The following KY variants were observed in gnomAD, a reference collection of about 807,000 sequenced individuals.
The protein encoded by KY is kyphoscoliosis peptidase.
A neutral mutation model predicts 76.1 loss-of-function variants in KY; 43 were observed. The ratio of observed to expected loss-of-function variants is 0.57; its 90% confidence interval spans 0.44 to 0.73. The LOEUF is 0.73. Among genes scored for constraint, KY ranks in the 30% least tolerant of loss-of-function variants. KY has a pLI of 0.00. For missense variants in KY, 722 were observed against 828.9 expected (o/e 0.87, Z 1.58); for synonymous variants, 277 against 326.2 (o/e 0.85, Z 1.63).
intron 3 of KY, chr3:134,641,221 C>T (rs1016095335): frequency 2.6e-5 from 4 of 152,196 alleles, no homozygotes; most frequent in African/African-American, 7.2e-5. Context: ...TTAAATTGTC[C>T]CCTGGGATAG....
chr3:134,640,816 T>C (rs996746693), intron 3 of KY, among the ~76,000 whole-genome samples: 16 of 152,202 alleles, frequency 1.1e-4, no homozygotes, highest in African/African-American at 3.9e-4. Context: ...ATCCACACCA[T>C]GGGGGAACCT....
intron 2 of KY, among the ~76,000 whole-genome samples, chr3:134,643,764 G>C (rs780092228): frequency 6.6e-6 from 1 of 151,924 alleles, no homozygotes; most frequent in Non-Finnish European, 1.5e-5. Flanking sequence ...TGTGGAGCAG[G>C]CTGGGAGGTT....
At chr3:134,637,862 C>T (rs948691146) in intron 3 of KY, among the ~76,000 whole-genome samples, 2 of 152,188 alleles carry the variant, frequency 1.3e-5, no homozygotes, top group Non-Finnish European at 2.9e-5. Flanking sequence ...CTGTTAAAGC[C>T]CCTCCAGGGC....
chr3:134,602,868 T>G lies in KY; in HGVS notation c.*711A>C, dbSNP rs2107728469. ...AGCCACAGCGGGCATGGGCTGCTCTTTGCTTTGCAGTCTCCTCACAACTTT... is the reference window on the plus strand; with the variant it reads ...AGCCACAGCGGGCATGGGCTGCTCTGTGCTTTGCAGTCTCCTCACAACTTT... On this transcript the variant is annotated 3_prime_UTR_variant, in exon 11 of 11. Coordinates refer to ENST00000423778, the MANE Select transcript of KY (RefSeq NM_178554.6). 6.6e-6 allele frequency among the ~76,000 whole-genome samples: 1 copy of G among 152,360 alleles called. No homozygotes were observed. The highest frequency in any genetic ancestry group is 2.4e-5 in the African/African-American group (1 of 41,604).
chr3:134,603,606 G>C lies in KY; in HGVS notation c.1959C>G (p.Ile653Met). Residue 653 changes from isoleucine (I) to methionine (M), a missense_variant, in exon 11 of 11, where the codon ATC (isoleucine) becomes ATG (methionine). Transcript: ENST00000423778. Reference sequence around the variant, plus strand: ...ACTGGGCATTCACTTTGTATTTCAGGATGTAGGAGTAGAAATTGTGGTTGG... The same window carrying C: ...ACTGGGCATTCACTTTGTATTTCAGCATGTAGGAGTAGAAATTGTGGTTGG... Reference protein sequence around the residue: ...ENANHNFYSYILKYKVNAQ With the variant: ...ENANHNFYSYMLKYKVNAQ 1 of 1,594,070 alleles carries C rather than the reference G, an allele frequency of 6.3e-7. No individual in the cohort carries two copies.
chr3:134,635,493 T>TTAA (rs1553814998), intron 3 of KY, among the ~76,000 whole-genome samples: 1 of 79,352 alleles, frequency 1.3e-5, no homozygotes, highest in African/African-American at 4.9e-5. Context: ...CGAGACTCTG[T>TTAA]AAAAAAAAAA....
intron 8 of KY, chr3:134,610,857 G>T (rs1960293096): frequency 6.5e-6 from 1 of 154,118 alleles, no homozygotes; most frequent in Non-Finnish European, 1.4e-5. Context: ...TGCGACTGAA[G>T]AGATGGGTCT....
In KY at chr3:134,620,927, C is replaced by T. The variant is rs1030789911; in HGVS notation, c.484-70G>A. The T allele has an allele frequency of 2.2e-5, 20 of 909,818 alleles. No homozygotes were observed. The African/African-American group carries it at 3.0e-4, about 13-fold the overall frequency. The allele number at this position is 909,818 out of a possible 1,614,324, so 56.4% of individuals were successfully genotyped here. A position where few individuals can be genotyped will look rare whatever the true frequency, so the allele number is the denominator to read the frequency against. On this transcript the variant is annotated intron_variant, in intron 6 of 10. Coordinates refer to ENST00000423778, the MANE Select transcript of KY (RefSeq NM_178554.6). ...GCTGTTGGGGGCCCAGCATCTTGCA[C>T]CTACAGCCAGTGCTGCTCTTCCTCC... is the stretch of plus-strand genomic sequence containing the variant.
intron 5 of KY, among the ~76,000 whole-genome samples, chr3:134,626,237 G>T (rs1963431692): frequency 6.6e-6 from 1 of 152,244 alleles, no homozygotes; most frequent in Admixed American, 6.5e-5. Flanking sequence ...GGAGCCTCTG[G>T]GTGCTGGGCA....
At chr3:134,611,125 A>G (rs576701784) in intron 8 of KY, among the ~76,000 whole-genome samples, 1 of 152,278 alleles carries the variant, frequency 6.6e-6, no homozygotes, top group Admixed American at 6.5e-5. Flanking sequence ...CCTGGCCACA[A>G]TTCTGGAGTC....
Position 134,603,377 on chromosome 3 carries a change from C to A in KY, c.*202G>T, listed in dbSNP as rs143333908. ...TTCTAAAGAGCCACTGCCTCTGCCCCCTCAGTCACAGCCACACCTGAGTGA... is the reference window on the plus strand; with the variant it reads ...TTCTAAAGAGCCACTGCCTCTGCCCACTCAGTCACAGCCACACCTGAGTGA... On this transcript the variant is annotated 3_prime_UTR_variant, in exon 11 of 11. Transcript: ENST00000423778. 4.6e-4 allele frequency: 235 copies of A among 506,524 alleles called. 1 individual carries two copies. The highest frequency in any genetic ancestry group is 4.0e-3 in the African/African-American group (205 of 51,884). The allele number at this position is 506,524 out of a possible 1,614,324, so 31.4% of individuals were successfully genotyped here. A position where few individuals can be genotyped will look rare whatever the true frequency, so the allele number is the denominator to read the frequency against.
chr3:134,629,111 T>C (rs1963882840), intron 4 of KY, among the ~76,000 whole-genome samples: 1 of 152,198 alleles, frequency 6.6e-6, no homozygotes, highest in African/African-American at 2.4e-5. Context: ...TGCACTGCAC[T>C]GAGGGCAGCA....
At chr3:134,642,187 G>A (rs76771379) in intron 3 of KY, among the ~76,000 whole-genome samples, 12 of 152,156 alleles carry the variant, frequency 7.9e-5, no homozygotes, top group East Asian at 1.9e-4. Flanking sequence ...ACCTGCCAGC[G>A]CCTTTCTATA....
chr3:134,604,052 C>G lies in KY; in HGVS notation c.1513G>C (p.Glu505Gln). 1 of 1,613,988 alleles carries G rather than the reference C, an allele frequency of 6.2e-7. No individual in the cohort carries two copies. The highest frequency in any genetic ancestry group is 8.5e-7 in the Non-Finnish European group (1 of 1,179,868). ...SLHGDDGPIT[E>Q]ETQRRYIFQL... Reference sequence around the variant, plus strand: ...AAGATGTAGCGCCGCTGTGTCTCCTCAGTGATGGGGCCATCATCCCCGTGG... The same window carrying G: ...AAGATGTAGCGCCGCTGTGTCTCCTGAGTGATGGGGCCATCATCCCCGTGG... Residue 505 changes from glutamate to glutamine, a missense_variant, in exon 11 of 11, where the codon GAG becomes CAG. Transcript: ENST00000423778.
In KY at chr3:134,639,023, A is replaced by G. The variant is rs1001283283; in HGVS notation, c.262+4293T>C. 7.1e-5 allele frequency among the ~76,000 whole-genome samples: 10 copies of G among 141,838 alleles called. 1 individual carries two copies. Among genetic ancestry groups the G allele is most frequent in the South Asian group, 4.5e-4 (2 of 4,450 alleles). 93.1% of individuals were successfully genotyped at this position (141,838 alleles called of 152,430 possible). The stretch of plus-strand genomic sequence containing the variant: ...TTTAAGGTGTTTGTTAACTTTTTCT[A>G]TAACAGGTTGGCACATTTACAGCCT... On this transcript the variant is annotated intron_variant, in intron 3 of 10. Coordinates refer to ENST00000423778, the MANE Select transcript of KY (RefSeq NM_178554.6).
chr3:134,604,379 T>C lies in KY; in HGVS notation c.1186A>G (p.Arg396Gly). 1 of 1,614,032 alleles carries C rather than the reference T, an allele frequency of 6.2e-7. No individual in the cohort carries two copies. Among genetic ancestry groups the C allele is most frequent in the East Asian group, 2.2e-5 (1 of 44,866 alleles). The change falls in exon 11 of 11, where the codon AGG becomes GGG. Residue 396 changes from arginine to glycine, a missense_variant. Coordinates refer to ENST00000423778, the MANE Select transcript of KY (RefSeq NM_178554.6). ...ACCTCCAACTTCATCCCATTCTTCC[T>C]TAGGCTCAGCAGCCCATGCTCTTGC... ...GKQEHGLLSL[R>G]KNGMKLEVYP...
chr3:134,642,493 C>T lies in KY; in HGVS notation c.262+823G>A, dbSNP rs1965888423. On this transcript the variant is annotated intron_variant, in intron 3 of 10. Transcript: ENST00000423778. Reference sequence around the variant, plus strand: ...CCTCCTGTCACCATTGCTGTGGGGCCCTCCTGTCTCTATCTTGTCGTGTGC... The same window carrying T: ...CCTCCTGTCACCATTGCTGTGGGGCTCTCCTGTCTCTATCTTGTCGTGTGC... Among the ~76,000 whole-genome samples, 2 of 151,408 alleles carry T rather than the reference C, an allele frequency of 1.3e-5. 1 individual carries two copies. The highest frequency in any genetic ancestry group is 2.9e-5 in the Non-Finnish European group (2 of 67,926).
chr3:134,630,768 G>A (rs1335204823), intron 3 of KY, among the ~76,000 whole-genome samples: 1 of 152,170 alleles, frequency 6.6e-6, no homozygotes, highest in Non-Finnish European at 1.5e-5. Context: ...ACTCAGGAAA[G>A]TCTTAATTTG....
At chr3:134,620,471 AG>A (rs1560115966) in intron 7 of KY, among the ~76,000 whole-genome samples, 2 of 152,148 alleles carry the variant, frequency 1.3e-5, no homozygotes, top group Admixed American at 6.5e-5. Flanking sequence ...GCTGGGACAG[AG>A]GGAAGGCTGC....
Sources: allele counts gnomAD v4.1 joint callset (sites outside exome capture counted in the v4.1 genomes callset), GRCh38; gene constraint gnomAD v4.1.1; transcripts MANE v1.5; gene names NCBI Gene and HGNC (gene_info 2026-07-23, HGNC 2026-07-21).